The following AGO4 variants were observed in gnomAD, a reference collection of about 807,000 sequenced individuals.
The protein encoded by AGO4 is protein argonaute-4.
Under a neutral mutation model 104.7 loss-of-function variants are expected in AGO4, and 33 were observed. The observed-to-expected ratio is 0.32, with a 90% CI of 0.24 to 0.42. AGO4 has a LOEUF of 0.42. Ranked by LOEUF, AGO4 falls within the 10% of genes least tolerant of loss-of-function variation. AGO4 has a pLI of 1.00. For synonymous variants in AGO4, 331 were observed against 364.7 expected, an observed-to-expected ratio of 0.91 and a Z score of 1.05; for missense variants, 711 against 1,083.4, an observed-to-expected ratio of 0.66 and a Z score of 4.83.
At position 35,857,340 on chromosome 1, in the gene AGO4, C is replaced by T. The variant is rs1644838176; in HGVS notation, c.*3735C>T. 6.6e-6 allele frequency: 1 copy of T among 152,188 alleles called. No individual in the cohort carries two copies. The highest frequency in any genetic ancestry group is 1.5e-5 in the Non-Finnish European group (1 of 68,028). 9.4% of individuals were successfully genotyped at this position (152,188 alleles called of 1,614,324 possible). A position where few individuals can be genotyped will look rare whatever the true frequency, so the allele number is the denominator to read the frequency against. Reference sequence around the variant, plus strand: ...AAGGAAAGATCTTGTTATTGATTAACCATTTTCTTATGCCTTGCTATTGAC... The same window carrying T: ...AAGGAAAGATCTTGTTATTGATTAATCATTTTCTTATGCCTTGCTATTGAC... On this transcript the variant is annotated 3_prime_UTR_variant, in exon 18 of 18. Coordinates refer to ENST00000373210, the MANE Select transcript of AGO4 (RefSeq NM_017629.4).
chr1:35,825,928 T>C lies in AGO4; in HGVS notation c.628T>C (p.Ser210Pro). 6.2e-7 allele frequency: 1 copy of C among 1,614,000 alleles called. No homozygotes were observed. ...MWNMMLNIDV[S>P]ATAFYRAQPI... ...AAGTATCCTTCTCTGTTTGTTAGTA[T>C]CTGCAACTGCTTTCTACCGGGCTCA... The change falls in exon 6 of 18, where the codon TCT (serine) becomes CCT (proline). Residue 210 changes from serine to proline, a missense_variant and splice_region_variant. Around this residue, in one of 3 missense-constraint regions of AGO4, gnomAD observed 308 missense variants for 397.8 expected, o/e 0.77. Coordinates refer to ENST00000373210, the MANE Select transcript of AGO4 (RefSeq NM_017629.4).
chr1:35,837,620 T>C (rs934164021), intron 13 of AGO4, among the ~76,000 whole-genome samples: 4 of 152,218 alleles, frequency 2.6e-5, no homozygotes, highest in African/African-American at 9.6e-5. Flanking sequence ...GCTCAAACAG[T>C]CCTCCTGGCT....
chr1:35,843,255 G>A (rs1644492455), intron 15 of AGO4, among the ~76,000 whole-genome samples: 1 of 151,962 alleles, frequency 6.6e-6, no homozygotes, highest in Admixed American at 6.6e-5. Flanking sequence ...TAGTTGAGAC[G>A]GGGTTTCACC....
intron 16 of AGO4, 139 bp downstream of exon 16, chr1:35,850,397 G>GGTATCT (rs1373807246): frequency 1.3e-6 from 1 of 751,178 alleles, no homozygotes; most frequent in East Asian, 2.6e-5. Flanking sequence ...TTTTGGTCTA[G>GGTATCT]GTATCTGCTT....
chr1:35,828,156 A>ATATG (rs2148663829), intron 7 of AGO4, among the ~76,000 whole-genome samples: 1 of 152,208 alleles, frequency 6.6e-6, no homozygotes, highest in South Asian at 2.1e-4. Flanking sequence ...AAGACATTTT[A>ATATG]TATGTATGTA....
At chr1:35,848,292 T>C (rs1644620212) in intron 15 of AGO4, among the ~76,000 whole-genome samples, 1 of 152,228 alleles carries the variant, frequency 6.6e-6, no homozygotes, top group Non-Finnish European at 1.5e-5. Flanking sequence ...GCTTATCCAT[T>C]TCTGAGTTTA....
At position 35,808,170 on chromosome 1, in the gene AGO4, TGGCGGCGGC is replaced by T. The variant is rs544199267; in HGVS notation, c.-229_-221del. 3.0e-4 allele frequency: 48 copies of T among 157,920 alleles called. No homozygotes were observed. Among genetic ancestry groups the T allele is most frequent in the East Asian group, 5.8e-4 (3 of 5,182 alleles). The allele number at this position is 157,920 out of a possible 1,614,324, so 9.8% of individuals were successfully genotyped here. A position where few individuals can be genotyped will look rare whatever the true frequency, so the allele number is the denominator to read the frequency against. On this transcript the variant is annotated 5_prime_UTR_variant, in exon 1 of 18. Coordinates refer to ENST00000373210, the MANE Select transcript of AGO4 (RefSeq NM_017629.4). This position sits in a 1 kb window ranked among gnomAD's most constrained non-coding sequence, Gnocchi z 5.2. Reference sequence around the variant, plus strand: ...CGCTGGCTCCCGCTCCCGCTCCCGTTGGCGGCGGCGGCGGCGGCGGCGGCGGGGATTGTT... The same window carrying T: ...CGCTGGCTCCCGCTCCCGCTCCCGTTGGCGGCGGCGGCGGCGGGGATTGTT...
At chr1:35,845,358 T>G (rs945393963) in intron 15 of AGO4, among the ~76,000 whole-genome samples, 9 of 151,668 alleles carry the variant, frequency 5.9e-5, no homozygotes, top group Admixed American at 2.6e-4. Flanking sequence ...CAGGCGCATA[T>G]CACCATGCCC....
intron 1 of AGO4, among the ~76,000 whole-genome samples, chr1:35,813,727 C>T (rs111532001): frequency 0.015 from 2,236 of 150,810 alleles, 51 homozygotes; most frequent in African/African-American, 0.051. Flanking sequence ...CCAGCCTGGG[C>T]AACAGAGCAA....
rs937120950 is a variant in AGO4, at chr1:35,854,016, A to AG, written c.*412dup. On this transcript the variant is annotated 3_prime_UTR_variant, in exon 18 of 18. Coordinates refer to ENST00000373210, the MANE Select transcript of AGO4 (RefSeq NM_017629.4). ...AGTGGGGTATATGCATAAGTGGGAG[A>AG]GAAAAACCAAACAATCTACTTCAGT... The AG allele has an allele frequency of 6.5e-6, 1 of 153,646 alleles. No individual in the cohort carries two copies. The highest frequency in any genetic ancestry group is 6.5e-5 in the Admixed American group (1 of 15,346). The allele number at this position is 153,646 out of a possible 1,614,324, so 9.5% of individuals were successfully genotyped here.
intron 15 of AGO4, among the ~76,000 whole-genome samples, chr1:35,844,627 C>T (rs1644524860): frequency 6.6e-6 from 1 of 152,170 alleles, no homozygotes; most frequent in Non-Finnish European, 1.5e-5. Flanking sequence ...TATCTCCTTC[C>T]TCGTATCTCT....
At chr1:35,850,056 G>T in intron 15 of AGO4, 101 bp from the exon 16 acceptor site, 1 of 709,670 alleles carries the variant, frequency 1.4e-6, no homozygotes. Flanking sequence ...AGACTTAAGA[G>T]ACATTTACCA....
At chr1:35,809,224 C>G (rs1643417544) in intron 1 of AGO4, among the ~76,000 whole-genome samples, 1 of 152,148 alleles carries the variant, frequency 6.6e-6, no homozygotes, top group Admixed American at 6.5e-5. Context: ...GGTTATTTCT[C>G]TCTATCCAAA....
intron 13 of AGO4, among the ~76,000 whole-genome samples, chr1:35,840,543 C>T (rs1644416170): frequency 6.6e-6 from 1 of 152,144 alleles, no homozygotes; most frequent in Non-Finnish European, 1.5e-5. Context: ...AGGTGATCCT[C>T]CTGCCTTGGC....
chr1:35,850,780 CAAAAA>C (rs796652586), intron 16 of AGO4, 69 bp from the exon 17 acceptor site: 118 of 542,050 alleles, frequency 2.2e-4, no homozygotes, highest in Middle Eastern at 5.4e-4. Context: ...GACTCCATCT[CAAAAA>C]AAAAAAAAAA....
intron 15 of AGO4, 88 bp from the exon 16 acceptor site, chr1:35,850,069 T>C (rs977866266): frequency 1.7e-5 from 13 of 784,100 alleles, no homozygotes; most frequent in Non-Finnish European, 2.7e-5. Flanking sequence ...ATTTACCAAC[T>C]TGCTCCCAAT....
At chr1:35,824,908 C>G (rs138273711) in intron 3 of AGO4, among the ~76,000 whole-genome samples, 1 of 152,118 alleles carries the variant, frequency 6.6e-6, no homozygotes, top group Non-Finnish European at 1.5e-5. Flanking sequence ...TCATTCCAAA[C>G]GAAAACTCTG....
intron 12 of AGO4, 36 bp from the exon 13 acceptor site, chr1:35,835,798 T>C: frequency 6.5e-7 from 1 of 1,537,500 alleles, no homozygotes; most frequent in East Asian, 2.4e-5. Context: ...TAGGAGACCA[T>C]TTAAACATGT....
At chr1:35,842,472 T>C (rs1264491752) in intron 15 of AGO4, among the ~76,000 whole-genome samples, 2 of 152,234 alleles carry the variant, frequency 1.3e-5, no homozygotes, top group African/African-American at 2.4e-5. Context: ...ACTCAACTTC[T>C]CTAAGCCATA....
Sources: allele counts gnomAD v4.1 joint callset (sites outside exome capture counted in the v4.1 genomes callset), GRCh38; gene constraint gnomAD v4.1.1; regional missense constraint gnomAD v4.1.1; non-coding constraint Gnocchi (gnomAD v3.1); transcripts MANE v1.5; gene names NCBI Gene and HGNC (gene_info 2026-07-23, HGNC 2026-07-21).